CGNL1: variants seen among roughly 807,000 people sequenced by gnomAD.
CGNL1 encodes cingulin like 1, also known as cingulin-like protein 1.
CGNL1 carries 132 observed loss-of-function variants against 141.2 expected under a neutral mutation model. The ratio of observed to expected loss-of-function variants is 0.93; its 90% CI spans 0.81 to 1.08. The LOEUF (loss-of-function observed/expected upper bound fraction) is 1.08, where lower values mean the gene tolerates loss of function less well. Among genes scored for constraint, CGNL1 ranks in the 50% least tolerant of loss-of-function variants. The pLI, the probability that CGNL1 is intolerant of heterozygous loss-of-function variation, is 0.00. For missense variants in CGNL1, 1,870 were observed against 1,588.6 expected (o/e 1.18, Z -3.01); for synonymous variants, 690 against 622.1 (o/e 1.11, Z -1.63).
intron 1 of CGNL1, among the ~76,000 whole-genome samples, chr15:57,414,354 G>A (rs2062825524): frequency 6.6e-6 from 1 of 152,228 alleles, no homozygotes; most frequent in South Asian, 2.1e-4. Flanking sequence ...TTCCAAATCT[G>A]AGAGTCGAGG....
chr15:57,473,839 T>C (rs946627569), intron 8 of CGNL1, among the ~76,000 whole-genome samples: 1 of 150,670 alleles, frequency 6.6e-6, no homozygotes, highest in South Asian at 2.1e-4. Flanking sequence ...TGCAGCCTCA[T>C]CAGAAACCCT....
rs199779940 is a variant in CGNL1, at chr15:57,516,955, C to G, written c.2579C>G (p.Ala860Gly). 95 of 1,613,702 alleles carry G rather than the reference C, an allele frequency of 5.9e-5. No individual in the cohort carries two copies. The highest frequency in any genetic ancestry group is 7.9e-5 in the Non-Finnish European group (93 of 1,179,998). ...ATCGAGGACCTGAAAGGCGATGAAGCCAAGGCGAAGGAAACGCTGAAGAAG... is the reference window on the plus strand; with the variant it reads ...ATCGAGGACCTGAAAGGCGATGAAGGCAAGGCGAAGGAAACGCTGAAGAAG... ...RQIEDLKGDE[A>G]KAKETLKKYE... is the part of the protein sequence containing the mutation. Residue 860 changes from alanine to glycine, a missense_variant, in exon 9 of 19, where the codon GCC becomes GGC. By Grantham distance (60) the Ala-to-Gly change is moderately conservative (BLOSUM62 0). Transcript: ENST00000281282.
At chr15:57,411,302 C>T (rs2062784033) in intron 1 of CGNL1, among the ~76,000 whole-genome samples, 1 of 152,150 alleles carries the variant, frequency 6.6e-6, no homozygotes, top group African/African-American at 2.4e-5. Flanking sequence ...TTCACTTGGA[C>T]GTTCTCTTGT....
chr15:57,453,270 C>G (rs764143345), intron 6 of CGNL1, among the ~76,000 whole-genome samples: 5 of 152,190 alleles, frequency 3.3e-5, no homozygotes, highest in Non-Finnish European at 7.3e-5. Context: ...GTGGGCTGAA[C>G]TGGCCCACAG....
intron 13 of CGNL1, among the ~76,000 whole-genome samples, chr15:57,530,434 G>A (rs555156052): frequency 1.2e-4 from 19 of 152,322 alleles, no homozygotes; most frequent in African/African-American, 4.1e-4. Flanking sequence ...AAGCAGGACC[G>A]TCTTGCTGTG....
intron 8 of CGNL1, among the ~76,000 whole-genome samples, chr15:57,509,254 CA>C (rs2030002966): frequency 6.6e-6 from 1 of 152,166 alleles, no homozygotes; most frequent in Admixed American, 6.5e-5. Context: ...TGGGGGTGGC[CA>C]GCGAGATGGA....
At chr15:57,431,394 A>T (rs2063042845) in intron 1 of CGNL1, among the ~76,000 whole-genome samples, 2 of 152,340 alleles carry the variant, frequency 1.3e-5, no homozygotes, top group East Asian at 3.9e-4. Context: ...GCACTACAAA[A>T]CACGTAGAGA....
chr15:57,438,113 C>G lies in CGNL1; in HGVS notation c.114C>G (p.Gly38=). 3 of 1,614,172 alleles carry G rather than the reference C, an allele frequency of 1.9e-6. No homozygotes were observed. Among genetic ancestry groups the G allele is most frequent in the African/African-American group, 2.7e-5 (2 of 75,064 alleles). The change falls in exon 2 of 19, where the codon GGC becomes GGG. Residue 38 remains glycine (G), a synonymous_variant. Coordinates refer to ENST00000281282, the MANE Select transcript of CGNL1 (RefSeq NM_032866.5). The part of the protein sequence containing the change: ...KSRSSQNSKA[G]SYGVSIRVQG... ...GGAGTTCCCAGAACTCCAAGGCAGG[C>G]TCCTACGGTGTCAGTATTCGGGTCC...
intron 13 of CGNL1, 95 bp from the exon 14 acceptor site, chr15:57,531,595 A>C: frequency 1.3e-6 from 1 of 780,120 alleles, no homozygotes. Flanking sequence ...GTTAGCTCTC[A>C]TTTGCCCTTA....
At chr15:57,386,516 C>T (rs2062485445) in intron 1 of CGNL1, among the ~76,000 whole-genome samples, 1 of 152,158 alleles carries the variant, frequency 6.6e-6, no homozygotes, top group African/African-American at 2.4e-5. Flanking sequence ...CCAAATAGTT[C>T]CTGCAGCAGG....
intron 8 of CGNL1, among the ~76,000 whole-genome samples, chr15:57,504,291 G>C (rs34583339): frequency 0.14 from 21,753 of 152,208 alleles, 1,702 homozygotes; most frequent in East Asian, 0.24. Flanking sequence ...TTACAGCTCA[G>C]TAAAAGGTAG....
At chr15:57,492,450 A>G (rs533585207) in intron 8 of CGNL1, among the ~76,000 whole-genome samples, 1 of 152,224 alleles carries the variant, frequency 6.6e-6, no homozygotes, top group Non-Finnish European at 1.5e-5. Context: ...TTGTTTATAC[A>G]TTGACATTTT....
chr15:57,386,946 C>T (rs1318599807), intron 1 of CGNL1, among the ~76,000 whole-genome samples: 1 of 152,128 alleles, frequency 6.6e-6, no homozygotes, highest in Non-Finnish European at 1.5e-5. Context: ...ATAAAATCTC[C>T]ATTTTAACCA....
chr15:57,508,116 A>T (rs1481938001), intron 8 of CGNL1, among the ~76,000 whole-genome samples: 1 of 152,086 alleles, frequency 6.6e-6, no homozygotes, highest in African/African-American at 2.4e-5. Flanking sequence ...AATACCCTCT[A>T]CTTCTTTGCC....
At chr15:57,510,917 G>A (rs1343336489) in intron 8 of CGNL1, among the ~76,000 whole-genome samples, 1 of 152,174 alleles carries the variant, frequency 6.6e-6, no homozygotes, top group African/African-American at 2.4e-5. Flanking sequence ...CTGGGGCTCC[G>A]GCTCCGCTAT....
intron 1 of CGNL1, among the ~76,000 whole-genome samples, chr15:57,423,885 G>A (rs886120774): frequency 1.3e-5 from 2 of 152,228 alleles, no homozygotes; most frequent in African/African-American, 4.8e-5. Context: ...CTCATGTGCT[G>A]CCAGGCGATG....
chr15:57,451,402 CT>C (rs2063320020), intron 4 of CGNL1, 97 bp from the exon 5 acceptor site: 1 of 814,878 alleles, frequency 1.2e-6, no homozygotes, highest in South Asian at 1.9e-5. Flanking sequence ...AGTGTTATGC[CT>C]CATCTGTTAC....
chr15:57,475,535 GTTTTC>G (rs2063644305), intron 8 of CGNL1, among the ~76,000 whole-genome samples: 1 of 114,514 alleles, frequency 8.7e-6, no homozygotes, highest in African/African-American at 3.2e-5. Context: ...GTGTGTGTGT[GTTTTC>G]TTTTCTTCTC....
intron 3 of CGNL1, among the ~76,000 whole-genome samples, chr15:57,441,248 G>A (rs1384199628): frequency 6.6e-6 from 1 of 151,636 alleles, no homozygotes; most frequent in Non-Finnish European, 1.5e-5. Flanking sequence ...TTTTGAAAGG[G>A]GGAAAAAAAA....
Sources: gnomAD v4.1 joint callset for allele counts (sites outside exome capture counted in the v4.1 genomes callset) on GRCh38, gnomAD v4.1.1 for gene constraint, MANE v1.5 for transcripts, NCBI Gene and HGNC (gene_info 2026-07-23, HGNC 2026-07-21) for gene names.